The following BUD13 variants were observed in gnomAD, a reference collection of about 807,000 sequenced individuals.
BUD13 encodes the protein BUD13 spliceosome associated protein, also known as BUD13 homolog.
In BUD13, 47 loss-of-function variants were observed where a neutral mutation model predicts 62.5. The ratio of observed to expected loss-of-function variants is 0.75; its 90% confidence interval spans 0.60 to 0.96. The LOEUF is 0.96. Among genes scored for constraint, BUD13 ranks in the 40% least tolerant of loss-of-function variants. The pLI, the probability that BUD13 is intolerant of heterozygous loss-of-function variation, is 0.00. For synonymous variants in BUD13, 293 were observed against 280.1 expected (o/e 1.05, Z -0.46); for missense variants, 821 against 790.9 (o/e 1.04, Z -0.46).
chr11:116,760,974 G>A (rs3741300), intron 4 of BUD13, 22 bp from the exon 5 acceptor site: 662,199 of 1,603,656 alleles, frequency 0.41, 142,932 homozygotes, highest in Non-Finnish European at 0.46. Flanking sequence ...CAAAGAATCT[G>A]TGTGACTCTG....
chr11:116,767,051 G>A (rs1304389115), intron 2 of BUD13, among the ~76,000 whole-genome samples: 1 of 152,034 alleles, frequency 6.6e-6, no homozygotes, highest in Non-Finnish European at 1.5e-5. Context: ...AGCTGGGCAT[G>A]GTGGCAGGCG....
chr11:116,758,489 C>A, intron 6 of BUD13, 82 bp from the exon 7 acceptor site: 1 of 1,471,084 alleles, frequency 6.8e-7, no homozygotes. Flanking sequence ...GCTTGGGATT[C>A]TAATGCTAGA....
In BUD13 at chr11:116,748,218, A is replaced by G. The variant is rs980129308; in HGVS notation, c.*264T>C. On this transcript the variant is annotated 3_prime_UTR_variant, in exon 10 of 10. Coordinates refer to ENST00000260210, the MANE Select transcript of BUD13 (RefSeq NM_032725.4). ...GTTTATTTAAAAAAGAAAAAGAAAA[A>G]CCCTACCAAGAACAAACCCTGGTCA... 1.1e-5 allele frequency: 4 copies of G among 376,416 alleles called. No homozygotes were observed. The highest frequency in any genetic ancestry group is 2.1e-5 in the African/African-American group (1 of 48,208). 23.3% of individuals were successfully genotyped at this position (376,416 alleles called of 1,614,324 possible). A position where few individuals can be genotyped will look rare whatever the true frequency, so the allele number is the denominator to read the frequency against.
intron 2 of BUD13, among the ~76,000 whole-genome samples, chr11:116,769,925 C>T (rs1020756373): frequency 6.6e-6 from 1 of 151,912 alleles, no homozygotes; most frequent in East Asian, 1.9e-4. Context: ...GGCATGATGG[C>T]GGGTGCCTGT....
At chr11:116,750,276 T>C (rs1400679180) in intron 9 of BUD13, among the ~76,000 whole-genome samples, 1 of 152,152 alleles carries the variant, frequency 6.6e-6, no homozygotes. Context: ...GAGTAGGGTG[T>C]CATGGAAAAC....
At chr11:116,752,516 G>A (rs1940254738) in intron 9 of BUD13, among the ~76,000 whole-genome samples, 2 of 152,010 alleles carry the variant, frequency 1.3e-5, no homozygotes, top group Non-Finnish European at 1.5e-5. Context: ...ACTAGGTCAG[G>A]GAGAATTCTA....
At chr11:116,770,073 A>AAAAAAAG in intron 2 of BUD13, 56 bp downstream of exon 2, 1 of 1,352,476 alleles carries the variant, frequency 7.4e-7, no homozygotes, top group East Asian at 2.4e-5. Flanking sequence ...AAAAAAAAAA[A>AAAAAAAG]GGAAATTGAG....
chr11:116,754,284 CA>C (rs1940288669), intron 9 of BUD13, among the ~76,000 whole-genome samples: 1 of 152,162 alleles, frequency 6.6e-6, no homozygotes, highest in African/African-American at 2.4e-5. Context: ...TAGGCTCAAG[CA>C]ATCCGTCTGC....
chr11:116,760,279 T>C (rs1480813393), intron 5 of BUD13, among the ~76,000 whole-genome samples: 1 of 152,242 alleles, frequency 6.6e-6, no homozygotes, highest in Non-Finnish European at 1.5e-5. Flanking sequence ...CAGTAGGTAC[T>C]ACTATTATCC....
chr11:116,762,426 C>T (rs1363594568), intron 4 of BUD13, 127 bp downstream of exon 4: 25 of 795,146 alleles, frequency 3.1e-5, no homozygotes, highest in Non-Finnish European at 4.7e-5. Flanking sequence ...CTCTCCCAAA[C>T]CCAGCCTCTC....
chr11:116,755,651 C>A (rs1940308747), intron 9 of BUD13, among the ~76,000 whole-genome samples: 1 of 152,102 alleles, frequency 6.6e-6, no homozygotes, highest in Non-Finnish European at 1.5e-5. Context: ...TCACAACAGA[C>A]AAATACAGAG....
intron 2 of BUD13, among the ~76,000 whole-genome samples, chr11:116,765,890 T>G (rs973290203): frequency 1.3e-5 from 2 of 152,208 alleles, no homozygotes; most frequent in African/African-American, 4.8e-5. Context: ...GTGATAGGTT[T>G]TCTTGAATAC....
intron 8 of BUD13, 102 bp downstream of exon 8, chr11:116,757,664 A>T: frequency 7.5e-7 from 1 of 1,335,610 alleles, no homozygotes; most frequent in Non-Finnish European, 1.0e-6. Context: ...CAATGAATTT[A>T]AATTATTTGG....
Position 116,772,984 on chromosome 11 carries a change from A to G in BUD13, c.-20T>C, listed in dbSNP as rs1369761209. 2.0e-6 allele frequency: 3 copies of G among 1,521,004 alleles called. No homozygotes were observed. The allele number at this position is 1,521,004 out of a possible 1,614,324, so 94.2% of individuals were successfully genotyped here. ...CGCCATGGCAGCGGCGGGGGCAGAG[A>G]GACGGGTCGGCGCTGGGGACAAAAT... On this transcript the variant is annotated 5_prime_UTR_variant, in exon 1 of 10. Coordinates refer to ENST00000260210, the MANE Select transcript of BUD13 (RefSeq NM_032725.4).
intron 2 of BUD13, among the ~76,000 whole-genome samples, chr11:116,767,590 C>CAAAAAAA (rs57036085): frequency 3.7e-5 from 3 of 80,688 alleles, no homozygotes; most frequent in Non-Finnish European, 7.0e-5. Context: ...GAGACTCCAC[C>CAAAAAAA]AAAAAAAAAA....
At chr11:116,764,536 C>T (rs1940495186) in intron 3 of BUD13, among the ~76,000 whole-genome samples, 1 of 151,992 alleles carries the variant, frequency 6.6e-6, no homozygotes, top group South Asian at 2.1e-4. Context: ...GACTGACCTT[C>T]TAAACATTCA....
chr11:116,749,934 C>G (rs748926390), intron 9 of BUD13, among the ~76,000 whole-genome samples: 1 of 152,106 alleles, frequency 6.6e-6, no homozygotes, highest in Non-Finnish European at 1.5e-5. Flanking sequence ...AAGGAGGAGG[C>G]AAGTTAGAGA....
At chr11:116,761,050 G>A in intron 4 of BUD13, 98 bp from the exon 5 acceptor site, 1 of 955,316 alleles carries the variant, frequency 1.0e-6, no homozygotes, top group African/African-American at 1.7e-5. Context: ...AGAAATTAAA[G>A]AATTCCTTAC....
At chr11:116,757,976 T>C (rs1204506727) in intron 7 of BUD13, 26 bp from the exon 8 acceptor site, 1 of 1,611,076 alleles carries the variant, frequency 6.2e-7, no homozygotes, top group Non-Finnish European at 8.5e-7. Context: ...CCAAGAGTGT[T>C]TGCTATCCTG....
Sources: allele counts gnomAD v4.1 joint callset (sites outside exome capture counted in the v4.1 genomes callset), GRCh38; gene constraint gnomAD v4.1.1; transcripts MANE v1.5; gene names NCBI Gene and HGNC (gene_info 2026-07-23, HGNC 2026-07-21).